Variants in C1orf21 observed in about 807,000 individuals in gnomAD.
C1orf21 encodes the protein chromosome 1 open reading frame 21.
In C1orf21, 3 loss-of-function variants were observed where a neutral mutation model predicts 18.7. The observed-to-expected ratio is 0.16, with a 90% confidence interval of 0.07 to 0.42. C1orf21 has a LOEUF of 0.42. Ranked by LOEUF, C1orf21 falls within the 10% of genes least tolerant of loss-of-function variation. The probability of loss-of-function intolerance (pLI) is 0.99; values close to 1 mark genes in which losing one functional copy is unlikely to be tolerated. For synonymous variants in C1orf21, 41 were observed against 46.4 expected, an observed-to-expected ratio of 0.88 and a Z score of 0.47; for missense variants, 104 against 143.6, an observed-to-expected ratio of 0.72 and a Z score of 1.41.
chr1:184,481,038 C>A (rs1399633030), intron 2 of C1orf21, among the ~76,000 whole-genome samples: 1 of 151,666 alleles, frequency 6.6e-6, no homozygotes, highest in African/African-American at 2.4e-5. Flanking sequence ...AAAGTAAGCA[C>A]GTAGTTAGAT....
At chr1:184,531,743 A>C (rs765985275) in intron 3 of C1orf21, among the ~76,000 whole-genome samples, 2 of 151,912 alleles carry the variant, frequency 1.3e-5, no homozygotes, top group Non-Finnish European at 2.9e-5. Flanking sequence ...TCAGTTTTGG[A>C]GGGTCAAGAG....
chr1:184,610,919 CA>C (rs1659726712), intron 5 of C1orf21, among the ~76,000 whole-genome samples: 1 of 150,040 alleles, frequency 6.7e-6, no homozygotes, highest in Non-Finnish European at 1.5e-5. Context: ...GTATAATAAA[CA>C]CTTCATGGGG....
At position 184,628,942 on chromosome 1, in the gene C1orf21, T is replaced by C. The variant is rs980476845; in HGVS notation, c.*9386T>C. ...GAAAGTGTACAGGTCTAATTATATA[T>C]ACATATTTATACATGTGTATTTTTG... On this transcript the variant is annotated 3_prime_UTR_variant, in exon 6 of 6. Transcript: ENST00000235307. The C allele has an allele frequency of 1.3e-5, 2 of 152,654 alleles. No individual in the cohort carries two copies. The highest frequency in any genetic ancestry group is 4.8e-5 in the African/African-American group (2 of 41,448). The allele number at this position is 152,654 out of a possible 1,614,324, so 9.5% of individuals were successfully genotyped here.
At chr1:184,411,515 G>A (rs1240926572) in intron 1 of C1orf21, among the ~76,000 whole-genome samples, 1 of 148,362 alleles carries the variant, frequency 6.7e-6, no homozygotes, top group Non-Finnish European at 1.5e-5. Flanking sequence ...TCCGCCTCCC[G>A]GGTTCACGCC....
At chr1:184,430,005 G>A (rs1347742724) in intron 1 of C1orf21, among the ~76,000 whole-genome samples, 6 of 151,776 alleles carry the variant, frequency 4.0e-5, no homozygotes, top group South Asian at 4.2e-4. Context: ...CCAGCTACTC[G>A]GGAGGCTGAG....
intron 3 of C1orf21, among the ~76,000 whole-genome samples, chr1:184,576,939 G>A (rs1659199381): frequency 6.6e-6 from 1 of 152,122 alleles, no homozygotes; most frequent in Admixed American, 6.6e-5. Flanking sequence ...ACTCCAGCCA[G>A]GAGCCAAGCC....
At chr1:184,599,136 A>G (rs549544758) in intron 5 of C1orf21, among the ~76,000 whole-genome samples, 1 of 152,296 alleles carries the variant, frequency 6.6e-6, no homozygotes, top group South Asian at 2.1e-4. Context: ...ACAGAATTTA[A>G]ATTCATCTCT....
chr1:184,430,020 G>A (rs1656713309), intron 1 of C1orf21, among the ~76,000 whole-genome samples: 1 of 151,130 alleles, frequency 6.6e-6, no homozygotes, highest in Non-Finnish European at 1.5e-5. Context: ...GCTGAGGCAG[G>A]AGAATGGCGT....
chr1:184,598,570 A>C (rs1185884052), intron 5 of C1orf21, 109 bp downstream of exon 5: 2 of 1,095,868 alleles, frequency 1.8e-6, no homozygotes, highest in Non-Finnish European at 2.6e-6. Flanking sequence ...ATTTTTGTGA[A>C]GGTTTGGGTG....
intron 3 of C1orf21, among the ~76,000 whole-genome samples, chr1:184,585,544 T>C (rs1242303521): frequency 6.6e-6 from 1 of 152,180 alleles, no homozygotes; most frequent in Admixed American, 6.5e-5. Flanking sequence ...TAGGGGTTTG[T>C]TGTACAGATT....
At chr1:184,607,634 CAT>C (rs1168803270) in intron 5 of C1orf21, among the ~76,000 whole-genome samples, 1 of 149,672 alleles carries the variant, frequency 6.7e-6, no homozygotes, top group Non-Finnish European at 1.5e-5. Flanking sequence ...TATACACATA[CAT>C]ATATATGTGT....
chr1:184,617,865 A>G (rs564969220), intron 5 of C1orf21, among the ~76,000 whole-genome samples: 1 of 150,700 alleles, frequency 6.6e-6, no homozygotes, highest in African/African-American at 2.4e-5. Context: ...CTGCTTCCAC[A>G]GGCCTGAAGA....
At chr1:184,398,517 T>C (rs1233966430) in intron 1 of C1orf21, among the ~76,000 whole-genome samples, 1 of 152,244 alleles carries the variant, frequency 6.6e-6, no homozygotes, top group Non-Finnish European at 1.5e-5. Flanking sequence ...CATTGTATTA[T>C]CTGCTCTGTA....
At chr1:184,389,894 A>G (rs1655944636) in intron 1 of C1orf21, among the ~76,000 whole-genome samples, 1 of 152,228 alleles carries the variant, frequency 6.6e-6, no homozygotes, top group Admixed American at 6.5e-5. Context: ...GGTGATAAAT[A>G]TGACTGTCTT....
chr1:184,499,580 A>T (rs1325995724), intron 2 of C1orf21, among the ~76,000 whole-genome samples: 2 of 152,082 alleles, frequency 1.3e-5, no homozygotes, highest in African/African-American at 2.4e-5. Context: ...TTTACAAAGG[A>T]TTATGATTTG....
At chr1:184,558,964 A>G (rs539449477) in intron 3 of C1orf21, among the ~76,000 whole-genome samples, 35 of 152,360 alleles carry the variant, frequency 2.3e-4, no homozygotes, top group Admixed American at 1.4e-3. Context: ...GTATGAGTCC[A>G]GAATTTGCCA....
chr1:184,473,436 G>A (rs1449302083), intron 1 of C1orf21, among the ~76,000 whole-genome samples: 3 of 151,956 alleles, frequency 2.0e-5, no homozygotes, highest in Non-Finnish European at 2.9e-5. Flanking sequence ...GGAGAGAAAA[G>A]CTGAGCAAAG....
chr1:184,598,732 C>T (rs905976697), intron 5 of C1orf21, among the ~76,000 whole-genome samples: 2 of 151,996 alleles, frequency 1.3e-5, no homozygotes, highest in Admixed American at 6.5e-5. Flanking sequence ...TTTTCTAGAC[C>T]GAGCATTCTG....
At chr1:184,393,248 C>T (rs1656000831) in intron 1 of C1orf21, among the ~76,000 whole-genome samples, 1 of 152,180 alleles carries the variant, frequency 6.6e-6, no homozygotes, top group Admixed American at 6.5e-5. Context: ...TATCTGGCTC[C>T]TCCCACCTAT....
Sources: allele counts gnomAD v4.1 joint callset (sites outside exome capture counted in the v4.1 genomes callset), GRCh38; gene constraint gnomAD v4.1.1; transcripts MANE v1.5; gene names NCBI Gene and HGNC (gene_info 2026-07-23, HGNC 2026-07-21).